The following ARIH2 variants were observed in gnomAD, a reference collection of about 807,000 sequenced individuals.
The protein encoded by ARIH2 is E3 ubiquitin-protein ligase ARIH2.
A neutral mutation model predicts 79.8 loss-of-function variants in ARIH2; 12 were observed. The observed-to-expected ratio is 0.15, with a 90% CI of 0.10 to 0.24. The LOEUF is 0.24. ARIH2 is among the 10% of genes least tolerant of loss of function. ARIH2 has a pLI of 1.00. For missense variants in ARIH2, 301 were observed against 618.3 expected, an observed-to-expected ratio of 0.49 and a Z score of 5.44; for synonymous variants, 224 against 213.9, an observed-to-expected ratio of 1.05 and a Z score of -0.41.
chr3:48,972,166 C>T (rs1007018411), intron 8 of ARIH2, among the ~76,000 whole-genome samples: 1 of 152,198 alleles, frequency 6.6e-6, no homozygotes, highest in Non-Finnish European at 1.5e-5. Flanking sequence ...CTTTGAGAGT[C>T]ATAGCTCTGT....
rs1272212031 is a variant in ARIH2, at chr3:48,985,815, A to C, written c.*2545A>C. On this transcript the variant is annotated 3_prime_UTR_variant, in exon 16 of 16. Coordinates refer to ENST00000356401, the MANE Select transcript of ARIH2 (RefSeq NM_006321.4). ...GGCTGAATCATTCCCCACCACAGAT[A>C]GATCCCAGGGTTGTGGTAGAGTACT... The C allele has an allele frequency of 6.6e-6, 1 of 152,214 alleles. No individual in the cohort carries two copies. Among genetic ancestry groups the C allele is most frequent in the East Asian group, 1.9e-4 (1 of 5,188 alleles). 9.4% of individuals were successfully genotyped at this position (152,214 alleles called of 1,614,324 possible).
intron 3 of ARIH2, among the ~76,000 whole-genome samples, chr3:48,957,758 C>G: frequency 6.6e-6 from 1 of 152,194 alleles, no homozygotes; most frequent in East Asian, 1.9e-4. Context: ...TGCTGTCGCC[C>G]AGGCTGGAGT....
intron 3 of ARIH2, among the ~76,000 whole-genome samples, chr3:48,929,859 T>A (rs563653010): frequency 5.9e-5 from 9 of 152,322 alleles, no homozygotes; most frequent in African/African-American, 2.2e-4. Context: ...ACATTTTGTT[T>A]CCTGTTGGAA....
At chr3:48,963,915 C>T (rs1445970955) in intron 4 of ARIH2, among the ~76,000 whole-genome samples, 1 of 152,116 alleles carries the variant, frequency 6.6e-6, no homozygotes, top group Non-Finnish European at 1.5e-5. Context: ...TTTTGTTATT[C>T]CAAATGGATC....
intron 3 of ARIH2, among the ~76,000 whole-genome samples, chr3:48,950,634 G>C (rs1486788245): frequency 6.6e-6 from 1 of 152,150 alleles, no homozygotes; most frequent in Admixed American, 6.5e-5. Flanking sequence ...CTGTAGCTGT[G>C]CTGCCCGGTA....
rs1403259038 is a variant in ARIH2, at chr3:48,983,960, T to C, written c.*690T>C. 1 of 152,370 alleles carries C rather than the reference T, an allele frequency of 6.6e-6. No individual in the cohort carries two copies. The highest frequency in any genetic ancestry group is 1.5e-5 in the Non-Finnish European group (1 of 68,152). 9.4% of individuals were successfully genotyped at this position (152,370 alleles called of 1,614,324 possible). ...CACGGGGTGTTGTTGTCTCTGGTGG[T>C]GCTGCATGTCTGTGGCTCACCTTTA... On this transcript the variant is annotated 3_prime_UTR_variant, in exon 16 of 16. Coordinates refer to ENST00000356401, the MANE Select transcript of ARIH2 (RefSeq NM_006321.4).
chr3:48,971,696 G>A (rs2092247786), intron 8 of ARIH2, among the ~76,000 whole-genome samples: 1 of 152,206 alleles, frequency 6.6e-6, no homozygotes, highest in Admixed American at 6.5e-5. Flanking sequence ...TGATGTGTGT[G>A]TGTACGCACA....
chr3:48,927,667 G>A lies in ARIH2; in HGVS notation c.109G>A (p.Asp37Asn), dbSNP rs757397436. The A allele has an allele frequency of 1.9e-6, 3 of 1,614,044 alleles. No homozygotes were observed. The highest frequency in any genetic ancestry group is 1.1e-5 in the South Asian group (1 of 91,068). ...AGAAGACGACCCTGGGGACATAGAGGACTATTACGTGGGAGTAGCCAGCGA... is the reference window on the plus strand; with the variant it reads ...AGAAGACGACCCTGGGGACATAGAGAACTATTACGTGGGAGTAGCCAGCGA... The part of the protein sequence containing the change: ...EEEDDPGDIE[D>N]YYVGVASDVE... Residue 37 changes from aspartate to asparagine, a missense_variant, in exon 3 of 16, where the codon GAC becomes AAC. Coordinates refer to ENST00000356401, the MANE Select transcript of ARIH2 (RefSeq NM_006321.4).
intron 3 of ARIH2, chr3:48,935,028 C>T (rs2086917931): frequency 9.7e-6 from 8 of 825,216 alleles, no homozygotes; most frequent in Non-Finnish European, 1.2e-5. Context: ...CAAGATGTTA[C>T]TACAGTATTT....
At chr3:48,968,020 GT>G (rs1239076494) in intron 6 of ARIH2, 22 of 147,708 alleles carry the variant, frequency 1.5e-4, no homozygotes, top group South Asian at 2.1e-4. Context: ...TTTTGGGTTT[GT>G]TTTTTTTTTG....
intron 4 of ARIH2, 88 bp downstream of exon 4, chr3:48,961,767 T>C: frequency 1.1e-5 from 9 of 841,970 alleles, no homozygotes; most frequent in Non-Finnish European, 1.8e-5. Context: ...CATATTCGAC[T>C]ATATTCCAAT....
At chr3:48,983,167 A>T (rs766947542) in intron 15 of ARIH2, 32 bp from the exon 16 acceptor site, 24 of 1,613,148 alleles carry the variant, frequency 1.5e-5, no homozygotes, top group Admixed American at 6.7e-5. Flanking sequence ...GGCCTGGGCC[A>T]TGCAAGCACA....
chr3:48,919,111 G>C, intron 1 of ARIH2, 113 bp downstream of exon 1: 1 of 1,282,118 alleles, frequency 7.8e-7, no homozygotes. Flanking sequence ...CGCCCGGGAG[G>C]CCCGGGCGCT....
chr3:48,950,182 GAA>G (rs1383425439), intron 3 of ARIH2, among the ~76,000 whole-genome samples: 2 of 152,062 alleles, frequency 1.3e-5, no homozygotes, highest in African/African-American at 4.8e-5. Flanking sequence ...ACCCTTTGTT[GAA>G]AAGACTTTTT....
intron 8 of ARIH2, among the ~76,000 whole-genome samples, chr3:48,972,637 T>C (rs2092299817): frequency 6.6e-6 from 1 of 151,878 alleles, no homozygotes; most frequent in South Asian, 2.1e-4. Flanking sequence ...AGAGCGAAAC[T>C]CCATTTCAGA....
chr3:48,931,729 A>G (rs1351714196), intron 3 of ARIH2, among the ~76,000 whole-genome samples: 1 of 150,454 alleles, frequency 6.6e-6, no homozygotes, highest in African/African-American at 2.4e-5. Flanking sequence ...AAAAATCACA[A>G]TTTTCAGCCG....
chr3:48,977,621 C>G (rs2092578443), intron 11 of ARIH2, among the ~76,000 whole-genome samples: 1 of 152,154 alleles, frequency 6.6e-6, no homozygotes, highest in Admixed American at 6.5e-5. Flanking sequence ...CTATACCCAG[C>G]TAATTTTTTG....
At chr3:48,934,712 A>G (rs2086877436) in intron 3 of ARIH2, 1 of 985,478 alleles carries the variant, frequency 1.0e-6, no homozygotes, top group Non-Finnish European at 1.2e-6. Flanking sequence ...GCGATGAGAA[A>G]TGTCCAGAGT....
chr3:48,918,847 T>G lies in ARIH2; in HGVS notation c.-313T>G, dbSNP rs1308282802. 1 of 1,611,248 alleles carries G rather than the reference T, an allele frequency of 6.2e-7. No individual in the cohort carries two copies. Among genetic ancestry groups the G allele is most frequent in the African/African-American group, 1.3e-5 (1 of 74,926 alleles). On this transcript the variant is annotated 5_prime_UTR_variant, in exon 1 of 16. Coordinates refer to ENST00000356401, the MANE Select transcript of ARIH2 (RefSeq NM_006321.4). Reference sequence around the variant, plus strand: ...CAACGGCGCCAAGCACTTCCGGAGCTGTGGGGACGACTCTTCTGGAGGAAG... The same window carrying G: ...CAACGGCGCCAAGCACTTCCGGAGCGGTGGGGACGACTCTTCTGGAGGAAG...
Sources: allele counts gnomAD v4.1 joint callset (sites outside exome capture counted in the v4.1 genomes callset), GRCh38; gene constraint gnomAD v4.1.1; transcripts MANE v1.5; gene names NCBI Gene and HGNC (gene_info 2026-07-23, HGNC 2026-07-21).